HEATR9: variants seen among roughly 807,000 people sequenced by gnomAD.
The protein encoded by HEATR9 is HEAT repeat containing 9, also known as protein HEATR9.
In HEATR9, 54 loss-of-function variants were observed where a neutral mutation model predicts 68.2. The observed-to-expected ratio is 0.79, with a 90% confidence interval of 0.64 to 0.99. HEATR9 has a LOEUF of 0.99. Ranked by LOEUF, HEATR9 falls within the 50% of genes least tolerant of loss-of-function variation. The pLI, the probability that HEATR9 is intolerant of heterozygous loss-of-function variation, is 0.00. For missense variants in HEATR9, 662 were observed against 679.7 expected (o/e 0.97, Z 0.29); for synonymous variants, 241 against 253.5 (o/e 0.95, Z 0.47).
intron 1 of HEATR9, chr17:35,868,447 G>T: frequency 1.3e-6 from 1 of 793,868 alleles, no homozygotes; most frequent in Non-Finnish European, 1.9e-6. Flanking sequence ...ACACACAGGT[G>T]TCCCATCTTA....
chr17:35,868,079 T>C (rs567287839), intron 1 of HEATR9, among the ~76,000 whole-genome samples: 3 of 152,286 alleles, frequency 2.0e-5, no homozygotes, highest in South Asian at 4.2e-4. Flanking sequence ...CCGTGCCCAG[T>C]CGAGAATTTG....
intron 8 of HEATR9, 72 bp downstream of exon 8, chr17:35,862,923 C>T: frequency 6.2e-7 from 1 of 1,604,728 alleles, no homozygotes; most frequent in Non-Finnish European, 8.5e-7. Context: ...TCTTCCTCAC[C>T]CAACCCCAAG....
At chr17:35,860,474 A>AT (rs1464112020) in intron 8 of HEATR9, among the ~76,000 whole-genome samples, 4 of 111,464 alleles carry the variant, frequency 3.6e-5, no homozygotes, top group African/African-American at 7.1e-5. Context: ...TTATTTATTT[A>AT]TTTATTTTAT....
chr17:35,862,480 T>C (rs1461028418), intron 8 of HEATR9, among the ~76,000 whole-genome samples: 1 of 152,358 alleles, frequency 6.6e-6, no homozygotes, highest in East Asian at 1.9e-4. Flanking sequence ...TAATAAGTTA[T>C]TTTAGAGATG....
chr17:35,855,723 C>T lies in HEATR9; in HGVS notation c.1306G>A (p.Val436Met), dbSNP rs779631411. 1.2e-6 allele frequency: 2 copies of T among 1,614,046 alleles called. No homozygotes were observed. Among genetic ancestry groups the T allele is most frequent in the Admixed American group, 3.3e-5 (2 of 60,020 alleles). ...LGVLGIRSPQ[V>M]FHLLLDLLDA... ...AGTAAGTCCAGGAGCAAGTGGAACA[C>T]TTGTGGACTGCGGATCCCCAGGACA... The change falls in exon 14 of 15, where the codon GTG becomes ATG. Residue 436 changes from valine to methionine, a missense_variant. By Grantham distance (21) the Val-to-Met change is conservative. Transcript: ENST00000604834.
intron 12 of HEATR9, 103 bp downstream of exon 12, chr17:35,856,629 G>C (rs1209457055): frequency 1.4e-5 from 15 of 1,034,548 alleles, no homozygotes; most frequent in South Asian, 1.4e-4. Flanking sequence ...TAGGTTCTCA[G>C]CTCTCACTGA....
At chr17:35,862,870 C>G (rs1170868819) in intron 8 of HEATR9, 125 bp downstream of exon 8, 3 of 1,402,728 alleles carry the variant, frequency 2.1e-6, no homozygotes, top group Non-Finnish European at 3.0e-6. Flanking sequence ...GGGAACTCCT[C>G]AAGGACAGTG....
intron 8 of HEATR9, among the ~76,000 whole-genome samples, chr17:35,861,945 G>A (rs1448515770): frequency 6.6e-6 from 1 of 151,554 alleles, no homozygotes; most frequent in Non-Finnish European, 1.5e-5. Context: ...TGCAACCTCT[G>A]CCTCCTGGGT....
At chr17:35,858,560 G>T in intron 9 of HEATR9, 35 bp from the exon 10 acceptor site, 2 of 1,571,146 alleles carry the variant, frequency 1.3e-6, no homozygotes, top group Non-Finnish European at 1.7e-6. Flanking sequence ...GGTGTACAGG[G>T]CCTAGAGGCA....
intron 8 of HEATR9, 69 bp downstream of exon 8, chr17:35,862,926 A>G (rs1345179257): frequency 1.8e-5 from 29 of 1,607,168 alleles, no homozygotes; most frequent in Non-Finnish European, 2.4e-5. Flanking sequence ...TCCTCACCCA[A>G]CCCCAAGCTA....
At chr17:35,866,573 A>AG (rs1056341292) in intron 2 of HEATR9, 151 bp downstream of exon 2, 1 of 715,668 alleles carries the variant, frequency 1.4e-6, no homozygotes, top group Non-Finnish European at 2.5e-6. Context: ...TGAGGCTCTG[A>AG]GGGGGAAAGT....
Position 35,855,740 on chromosome 17 carries a change from C to A in HEATR9, c.1289G>T (p.Gly430Val). 6.2e-7 allele frequency: 1 copy of A among 1,613,880 alleles called. No individual in the cohort carries two copies. Among genetic ancestry groups the A allele is most frequent in the Middle Eastern group, 1.7e-4 (1 of 5,916 alleles). ...QEAVISLGVL[G>V]IRSPQVFHLL... ...GTGGAACACTTGTGGACTGCGGATC[C>A]CCAGGACACCCTGGCAGAGGCAGAG... Residue 430 changes from glycine (G) to valine (V), a missense_variant, in exon 14 of 15, where the codon GGG becomes GTG. Gly to Val is a moderately radical substitution (Grantham distance 109). Coordinates refer to ENST00000604834, the MANE Select transcript of HEATR9 (RefSeq NM_152781.4).
At chr17:35,857,667 G>T (rs184928935) in intron 11 of HEATR9, among the ~76,000 whole-genome samples, 7 of 152,162 alleles carry the variant, frequency 4.6e-5, no homozygotes, top group African/African-American at 1.7e-4. Context: ...GCTGAGGCAG[G>T]AGAATGGCGT....
rs765954145 is a variant in HEATR9, at chr17:35,864,860, G to T, written c.351C>A (p.Ile117=). The part of the protein sequence containing the change: ...RYIKEVHQTH[I]KMFHLPMSKL... ...TGCTCATTGGGAGATGGAACATTTT[G>T]ATGTGGGTTTGATGTACCTCTTTGA... Residue 117 remains isoleucine, a synonymous_variant, in exon 4 of 15, where the codon ATC becomes ATA. Coordinates refer to ENST00000604834, the MANE Select transcript of HEATR9 (RefSeq NM_152781.4). 6.2e-7 allele frequency: 1 copy of T among 1,614,100 alleles called. No individual in the cohort carries two copies. The highest frequency in any genetic ancestry group is 1.3e-5 in the African/African-American group (1 of 74,932).
At chr17:35,865,905 C>G (rs762269725) in intron 2 of HEATR9, among the ~76,000 whole-genome samples, 1 of 152,136 alleles carries the variant, frequency 6.6e-6, no homozygotes, top group Admixed American at 6.5e-5. Flanking sequence ...TGCAGTTATC[C>G]CTGCCCTCAT....
At chr17:35,866,598 A>T in intron 2 of HEATR9, 126 bp downstream of exon 2, 1 of 877,048 alleles carries the variant, frequency 1.1e-6, no homozygotes, top group Non-Finnish European at 1.9e-6. Context: ...GTTCAAGATC[A>T]CAGTTAATGG....
intron 8 of HEATR9, among the ~76,000 whole-genome samples, chr17:35,860,432 T>A (rs1015538165): frequency 1.3e-5 from 2 of 149,068 alleles, no homozygotes; most frequent in African/African-American, 4.9e-5. Context: ...TTTTTCACAC[T>A]CTCTTCAAAG....
At chr17:35,860,496 T>C (rs2087947082) in intron 8 of HEATR9, among the ~76,000 whole-genome samples, 1 of 149,340 alleles carries the variant, frequency 6.7e-6, no homozygotes, top group Admixed American at 6.7e-5. Context: ...TATTTATTTA[T>C]TTATTTATTT....
rs1223769698 is a variant in HEATR9 at position 35,864,889 on chromosome 17, A to T, written c.322T>A (p.Tyr108Asn). The T allele has an allele frequency of 1.2e-6, 2 of 1,614,046 alleles. No homozygotes were observed. Among genetic ancestry groups the T allele is most frequent in the Non-Finnish European group, 1.7e-6 (2 of 1,180,044 alleles). ...TGGGTTTGATGTACCTCTTTGATGT[A>T]CCTGTGTGAGAAATTGCATAGGCAG... ...MLRKMRDDCR[Y>N]IKEVHQTHIK... The change falls in exon 4 of 15, where the codon TAC becomes AAC. Residue 108 changes from tyrosine to asparagine, a missense_variant and splice_region_variant. Tyr to Asn is a moderately radical substitution (Grantham distance 143, BLOSUM62 -2). Coordinates refer to ENST00000604834, the MANE Select transcript of HEATR9 (RefSeq NM_152781.4).
Sources: gnomAD v4.1 joint callset for allele counts (sites outside exome capture counted in the v4.1 genomes callset) on GRCh38, gnomAD v4.1.1 for gene constraint, MANE v1.5 for transcripts, NCBI Gene and HGNC (gene_info 2026-07-23, HGNC 2026-07-21) for gene names.